DALRD3: variants seen among roughly 807,000 people sequenced by gnomAD.
DALRD3 encodes the protein DALR anticodon-binding domain-containing protein 3.
Under a neutral mutation model 56.7 loss-of-function variants are expected in DALRD3, and 47 were observed. That is an observed-to-expected ratio of 0.83 (90% CI 0.66 to 1.06). The LOEUF (loss-of-function observed/expected upper bound fraction) is 1.06, where lower values mean the gene tolerates loss of function less well. Ranked by LOEUF, DALRD3 falls within the 50% of genes least tolerant of loss-of-function variation. The pLI, the probability that DALRD3 is intolerant of heterozygous loss-of-function variation, is 0.00. For synonymous variants in DALRD3, 347 were observed against 308.5 expected, an observed-to-expected ratio of 1.12 and a Z score of -1.31; for missense variants, 787 against 724.0, an observed-to-expected ratio of 1.09 and a Z score of -1.00.
chr3:49,016,166 G>A lies in DALRD3; in HGVS notation c.1321C>T (p.His441Tyr), dbSNP rs1450362379. 1 of 1,613,940 alleles carries A rather than the reference G, an allele frequency of 6.2e-7. No individual in the cohort carries two copies. Among genetic ancestry groups the A allele is most frequent in the African/African-American group, 1.3e-5 (1 of 74,916 alleles). ...CCAGGAGGGACACTCACCTCATCAT[G>A]TAGCAGTGAGAAGTCCAGACTGCTC... ...PVSSLDFSLL[H>Y]DEGEWLLLFN... is the part of the protein sequence containing the mutation. Residue 441 changes from histidine (H) to tyrosine (Y), a missense_variant, in exon 9 of 12, where the codon CAT becomes TAT. Physicochemically the swap from His to Tyr is moderately conservative, Grantham distance 83 (BLOSUM62 2). Transcript: ENST00000341949.
upstream of DALRD3, among the ~76,000 whole-genome samples, chr3:49,019,938 A>G (rs2093138183): frequency 6.6e-6 from 1 of 152,210 alleles, no homozygotes; most frequent in Non-Finnish European, 1.5e-5. Flanking sequence ...TACCAATAGG[A>G]AAGGTCTTTT....
Position 49,016,474 on chromosome 3 carries a change from C to T in DALRD3, c.1101G>A (p.Val367=), listed in dbSNP as rs1369013379. ...TCAGCATCTCAAACTTGATGGTGGC[C>T]ACAGAGAGAACACCAAAGATCTCTG... The part of the protein sequence containing the change: ...AWTEIFGVLS[V]ATIKFEMLST... The change falls in exon 8 of 12, where the codon GTG becomes GTA. Residue 367 remains valine (V), a synonymous_variant. Transcript: ENST00000341949. 1 of 1,614,036 alleles carries T rather than the reference C, an allele frequency of 6.2e-7. No individual in the cohort carries two copies. Among genetic ancestry groups the T allele is most frequent in the Admixed American group, 1.7e-5 (1 of 59,990 alleles).
rs757866750 is a variant in DALRD3, at chr3:49,018,427, C to T, written c.138G>A (p.Ala46=). The part of the protein sequence containing the change: ...RSRDFLAPHR[A]LQARFDDGQV... ...GGCCGTCATCGAAGCGCGCCTGCAG[C>T]GCGCGGTGCGGTGCCAGAAAGTCTC... The change falls in exon 1 of 12, where the codon GCG becomes GCA. Residue 46 remains alanine (A), a synonymous_variant. Transcript: ENST00000341949. 2.2e-5 allele frequency: 35 copies of T among 1,580,948 alleles called. No individual in the cohort carries two copies. The highest frequency in any genetic ancestry group is 1.1e-4 in the Admixed American group (6 of 55,966).
Position 49,015,600 on chromosome 3 carries a change from C to A in DALRD3, c.1620G>T (p.Leu540=). The part of the protein sequence containing the change: ...TGLAMLGLPP[L]SHI ...AGCCTCTGTGGCCTTAAATGTGGCT[C>A]AGTGGAGGGAGACCCAGCATAGCCA... Residue 540 remains leucine (L), a synonymous_variant, in exon 12 of 12, where the codon CTG becomes CTT. Coordinates refer to ENST00000341949, the MANE Select transcript of DALRD3 (RefSeq NM_001009996.3). 1.2e-6 allele frequency: 2 copies of A among 1,614,122 alleles called. No individual in the cohort carries two copies. Among genetic ancestry groups the A allele is most frequent in the Non-Finnish European group, 8.5e-7 (1 of 1,180,020 alleles).
chr3:49,019,572 C>G (rs2093134108), upstream of DALRD3, among the ~76,000 whole-genome samples: 1 of 151,684 alleles, frequency 6.6e-6, no homozygotes, highest in Non-Finnish European at 1.5e-5. Context: ...CTCCCCCTCC[C>G]GGGTTCAAGT....
chr3:49,016,573 C>T, intron 7 of DALRD3, 39 bp downstream of exon 7: 10 of 1,593,934 alleles, frequency 6.3e-6, no homozygotes, highest in Non-Finnish European at 8.5e-6. Context: ...AAAAAACCTG[C>T]CCCTAACCCA....
chr3:49,019,208 G>A (rs1477084096), upstream of DALRD3: 2 of 197,240 alleles, frequency 1.0e-5, no homozygotes, highest in Non-Finnish European at 1.8e-5. Context: ...GAGTAGCTGG[G>A]ATTACGGGCG....
In DALRD3 at chr3:49,016,219, T is replaced by A; in HGVS notation, c.1268A>T (p.Gln423Leu). 6.2e-7 allele frequency: 1 copy of A among 1,614,144 alleles called. No individual in the cohort carries two copies. The highest frequency in any genetic ancestry group is 1.1e-5 in the South Asian group (1 of 91,088). The change falls in exon 9 of 12, where the codon CAA (glutamine) becomes CTA (leucine). Residue 423 changes from glutamine to leucine, a missense_variant. By Grantham distance (113) the Gln-to-Leu change is moderately radical. Transcript: ENST00000341949. ...AGGAGGAAAAGTGGGGTACAGACCTTGTTCCATACTACACTTGTAACTCTC... is the reference window on the plus strand; with the variant it reads ...AGGAGGAAAAGTGGGGTACAGACCTAGTTCCATACTACACTTGTAACTCTC... Reference protein sequence around the residue: ...LFESYKCSMEQGLYPTFPPVS... With the variant: ...LFESYKCSMELGLYPTFPPVS...
rs1165299686 is a variant in DALRD3, at chr3:49,015,880, C to T, written c.1444-8G>A. On this transcript the variant is annotated splice_region_variant and splice_polypyrimidine_tract_variant and intron_variant, in intron 10 of 11. Transcript: ENST00000341949. ...TACCAGGAACTTGCATATCTAGAGACAGAGACTGAGTCACTGGCCCATCTC... is the reference window on the plus strand; with the variant it reads ...TACCAGGAACTTGCATATCTAGAGATAGAGACTGAGTCACTGGCCCATCTC... 6.8e-6 allele frequency: 11 copies of T among 1,614,186 alleles called. No homozygotes were observed. Among genetic ancestry groups the T allele is most frequent in the Non-Finnish European group, 9.3e-6 (11 of 1,180,032 alleles).
chr3:49,017,635 G>A lies in DALRD3; in HGVS notation c.696C>T (p.Asp232=), dbSNP rs1278513877. The change falls in exon 3 of 12, where the codon GAC becomes GAT. Residue 232 remains aspartate (D), a synonymous_variant. Transcript: ENST00000341949. The part of the protein sequence containing the change: ...VEEQGRTAGY[D]PNLDNCLVTE... ...TACCCAGACAGTTGTCCAGGTTGGG[G>A]TCATAGCCAGCTGTGCGGCCCTGTT... 2 of 1,614,196 alleles carry A rather than the reference G, an allele frequency of 1.2e-6. No individual in the cohort carries two copies. The highest frequency in any genetic ancestry group is 2.2e-5 in the East Asian group (1 of 44,886).
Position 49,017,232 on chromosome 3 carries a change from C to CT in DALRD3, c.922dup (p.Arg308LysfsTer24). 2 of 1,614,206 alleles carry CT rather than the reference C, an allele frequency of 1.2e-6. No individual in the cohort carries two copies. The highest frequency in any genetic ancestry group is 1.7e-6 in the Non-Finnish European group (2 of 1,180,034). ...CCACCATCATTATTAACCTACCTGT[C>CT]TGAGTGGAGCCTTGTCAACCAACTT... is the stretch of plus-strand genomic sequence containing the variant. On this transcript the variant is annotated frameshift_variant, in exon 5 of 12. Coordinates refer to ENST00000341949, the MANE Select transcript of DALRD3 (RefSeq NM_001009996.3). LOFTEE classifies it high-confidence loss of function.
chr3:49,016,852 CAG>C lies in DALRD3; in HGVS notation c.928-7_928-6del, dbSNP rs766678724. On this transcript the variant is annotated splice_polypyrimidine_tract_variant and splice_region_variant and intron_variant, in intron 5 of 11. Transcript: ENST00000341949. ...AGGGCCACAGATGAGGTGCTTCTGT[CAG>C]AAAGATGTCAGGGGCTCAGCCTAGT... The C allele has an allele frequency of 2.5e-6, 4 of 1,614,040 alleles. No individual in the cohort carries two copies. The East Asian group carries it at 8.9e-5, about 36-fold the overall frequency.
chr3:49,020,494 C>T, upstream of DALRD3: 1 of 388,884 alleles, frequency 2.6e-6, no homozygotes, highest in Non-Finnish European at 5.4e-6. Flanking sequence ...CCAGCCTCGG[C>T]TCTCCCACGT....
rs1343550997 is a variant in DALRD3 at position 49,018,005 on chromosome 3, C to G, written c.461+18G>C. On this transcript the variant is annotated intron_variant, in intron 2 of 11. Coordinates refer to ENST00000341949, the MANE Select transcript of DALRD3 (RefSeq NM_001009996.3). The stretch of plus-strand genomic sequence containing the variant: ...GGCAGTCCCACTTTCTCCATTCCGG[C>G]CCCGCGGCCCCGCTCACCCGTGAGC... The G allele has an allele frequency of 5.4e-6, 8 of 1,475,810 alleles. No homozygotes were observed. The South Asian group carries it at 5.5e-5, about 10-fold the overall frequency. 91.4% of individuals were successfully genotyped at this position (1,475,810 alleles called of 1,614,324 possible).
At chr3:49,021,486 C>A (rs562199669), upstream of DALRD3, 8 of 154,964 alleles carry the variant, frequency 5.2e-5, no homozygotes, top group South Asian at 1.2e-3. This position sits in a 1 kb window ranked among gnomAD's most constrained non-coding sequence, Gnocchi z 4.1. Flanking sequence ...ACTATCACAG[C>A]TTGCCCTTCC....
intron 3 of DALRD3, 27 bp from the exon 4 acceptor site, chr3:49,017,540 G>A: frequency 1.2e-6 from 2 of 1,614,156 alleles, no homozygotes; most frequent in Non-Finnish European, 1.7e-6. Flanking sequence ...CAGGTGCTGA[G>A]ACTGACAAGA....
rs755821456 is a variant in DALRD3, at chr3:49,017,278, T to G, written c.877A>C (p.Lys293Gln). The G allele has an allele frequency of 3.1e-6, 5 of 1,614,176 alleles. No homozygotes were observed. The Admixed American group carries it at 8.3e-5, about 27-fold the overall frequency. ...AACTTCTGCCAAAGCAGGTCCAACT[T>G]CTGTTGCTGGAACTCCTCCTCACAG... Reference protein sequence around the residue: ...VSCEEEFQQQKLDLLWQKLVD... With the variant: ...VSCEEEFQQQQLDLLWQKLVD... The change falls in exon 5 of 12, where the codon AAG (lysine) becomes CAG (glutamine). Residue 293 changes from lysine (K) to glutamine (Q), a missense_variant. Coordinates refer to ENST00000341949, the MANE Select transcript of DALRD3 (RefSeq NM_001009996.3).
chr3:49,015,820 C>A lies in DALRD3; in HGVS notation c.1496G>T (p.Arg499Leu). Residue 499 changes from arginine to leucine, a missense_variant, in exon 11 of 12, where the codon CGG becomes CTG. Coordinates refer to ENST00000341949, the MANE Select transcript of DALRD3 (RefSeq NM_001009996.3). ...TGTGCTCACCCCCAGGATGTGTACC[C>A]GGTTGTAGTAGGAGCTGAAATCCAT... ...LSMDFSSYYN[R>L]VHILGEPRPH... 6.2e-7 allele frequency: 1 copy of A among 1,614,170 alleles called. No homozygotes were observed. The highest frequency in any genetic ancestry group is 8.5e-7 in the Non-Finnish European group (1 of 1,180,038).
chr3:49,016,610 A>G lies in DALRD3; in HGVS notation c.1063+2T>C. ...AACATAGCCAGGGTTTCCCAGGCAC[A>G]CCTTGTGCCAGATCCCCACCATGCT... On this transcript the variant is annotated splice_donor_variant, in intron 7 of 11. Transcript: ENST00000341949. LOFTEE classifies it high-confidence loss of function. 1 of 1,582,806 alleles carries G rather than the reference A, an allele frequency of 6.3e-7. No homozygotes were observed. The highest frequency in any genetic ancestry group is 8.6e-7 in the Non-Finnish European group (1 of 1,163,320).
Sources: gnomAD v4.1 joint callset for allele counts (sites outside exome capture counted in the v4.1 genomes callset) on GRCh38, gnomAD v4.1.1 for gene constraint, Gnocchi (gnomAD v3.1) non-coding constraint, MANE v1.5 for transcripts, NCBI Gene and HGNC (gene_info 2026-07-23, HGNC 2026-07-21) for gene names.